Variants in DLG2 observed in about 807,000 individuals in gnomAD.
DLG2 encodes disks large homolog 2.
Under a neutral mutation model 132.5 loss-of-function variants are expected in DLG2, and 45 were observed. That is an observed-to-expected ratio of 0.34 (90% CI 0.27 to 0.44). DLG2 has a LOEUF of 0.44. Ranked by LOEUF, DLG2 falls within the 20% of genes least tolerant of loss-of-function variation. The pLI, the probability that DLG2 is intolerant of heterozygous loss-of-function variation, is 1.00. For synonymous variants in DLG2, 424 were observed against 419.6 expected (o/e 1.01, Z -0.13); for missense variants, 1,045 against 1,196.9 (o/e 0.87, Z 1.87).
chr11:84,187,848 T>G (rs976923327), intron 8 of DLG2, among the ~76,000 whole-genome samples: 1 of 152,064 alleles, frequency 6.6e-6, no homozygotes, highest in Non-Finnish European at 1.5e-5. Context: ...GCTTTAAACA[T>G]AGGACTAAAA....
At chr11:83,885,145 C>T (rs12289804) in intron 15 of DLG2, among the ~76,000 whole-genome samples, 14,673 of 152,232 alleles carry the variant, frequency 0.096, 843 homozygotes, top group Middle Eastern at 0.2. Context: ...CATCAAACTA[C>T]TCCAAGCTAC....
At chr11:85,237,449 G>C (rs1231766499) in intron 4 of DLG2, among the ~76,000 whole-genome samples, 3 of 151,844 alleles carry the variant, frequency 2.0e-5, no homozygotes, top group African/African-American at 7.3e-5. Context: ...ATACACAGTT[G>C]ACCCTTAAAC....
At chr11:83,688,393 A>T (rs1291657109) in intron 18 of DLG2, among the ~76,000 whole-genome samples, 1 of 152,144 alleles carries the variant, frequency 6.6e-6, no homozygotes, top group East Asian at 1.9e-4. Flanking sequence ...AGAACACCAT[A>T]AAAAAGCTTT....
At chr11:83,825,000 C>T (rs6592145) in intron 17 of DLG2, among the ~76,000 whole-genome samples, 96,567 of 151,040 alleles carry the variant, frequency 0.64, 31,453 homozygotes, top group Middle Eastern at 0.78. Context: ...TTTCCCTACA[C>T]AGTTTGCTGA....
chr11:84,660,363 G>A (rs1308804065), intron 6 of DLG2, among the ~76,000 whole-genome samples: 1 of 152,072 alleles, frequency 6.6e-6, no homozygotes, highest in African/African-American at 2.4e-5. Flanking sequence ...TGACAATTCC[G>A]ATATTTCACT....
chr11:84,400,063 G>C (rs536902210), intron 7 of DLG2, among the ~76,000 whole-genome samples: 1 of 152,190 alleles, frequency 6.6e-6, no homozygotes, highest in African/African-American at 2.4e-5. Flanking sequence ...CTACTGGGGG[G>C]ACACTAAAAC....
chr11:85,322,051 T>C (rs1384775615), intron 3 of DLG2, among the ~76,000 whole-genome samples: 1 of 152,044 alleles, frequency 6.6e-6, no homozygotes, highest in African/African-American at 2.4e-5. Flanking sequence ...TTCAGTAATA[T>C]TCTCCTCTAC....
intron 4 of DLG2, among the ~76,000 whole-genome samples, chr11:85,260,551 C>CTCAT (rs1339473686): frequency 2.0e-5 from 3 of 152,158 alleles, no homozygotes; most frequent in African/African-American, 7.2e-5. Flanking sequence ...CATTCACTAA[C>CTCAT]TCATTCATTC....
intron 18 of DLG2, among the ~76,000 whole-genome samples, chr11:83,660,703 T>G (rs1278061544): frequency 6.6e-6 from 1 of 152,128 alleles, no homozygotes; most frequent in African/African-American, 2.4e-5. Context: ...TAAATAAAAA[T>G]TATCAAGGCA....
At chr11:83,706,137 G>T (rs928202490) in intron 18 of DLG2, among the ~76,000 whole-genome samples, 6 of 151,286 alleles carry the variant, frequency 4.0e-5, no homozygotes, top group African/African-American at 1.5e-4. Context: ...AGAATCGCTT[G>T]AACCCGGGAG....
At chr11:84,507,353 T>G (rs544516183) in intron 7 of DLG2, among the ~76,000 whole-genome samples, 1 of 152,262 alleles carries the variant, frequency 6.6e-6, no homozygotes, top group South Asian at 2.1e-4. Flanking sequence ...CTAACTAATA[T>G]TTGTGGGAAT....
intron 17 of DLG2, among the ~76,000 whole-genome samples, chr11:83,817,791 G>A (rs1438810549): frequency 6.6e-6 from 1 of 152,148 alleles, no homozygotes; most frequent in African/African-American, 2.4e-5. Context: ...TGAGAGGATT[G>A]CGTGAGCCCA....
intron 4 of DLG2, among the ~76,000 whole-genome samples, chr11:85,189,419 A>G (rs2080357211): frequency 6.6e-6 from 1 of 152,184 alleles, no homozygotes; most frequent in African/African-American, 2.4e-5. Flanking sequence ...GCAATATAAA[A>G]CAACACACTA....
chr11:84,548,248 A>G (rs1443399830), intron 6 of DLG2, among the ~76,000 whole-genome samples: 1 of 152,180 alleles, frequency 6.6e-6, no homozygotes, highest in Non-Finnish European at 1.5e-5. Context: ...CATAACACAC[A>G]AATGAGACAA....
chr11:83,477,364 A>G (rs2092700579), intron 22 of DLG2, among the ~76,000 whole-genome samples: 1 of 152,172 alleles, frequency 6.6e-6, no homozygotes, highest in South Asian at 2.1e-4. Flanking sequence ...CAATTAGACA[A>G]TGTACACTTT....
intron 3 of DLG2, among the ~76,000 whole-genome samples, chr11:85,325,309 T>A (rs536844608): frequency 8.1e-4 from 123 of 152,294 alleles, no homozygotes; most frequent in Non-Finnish European, 1.3e-3. Flanking sequence ...AGGCTCCACG[T>A]CTGGGGGCAG....
chr11:84,223,642 C>T (rs1306062932), intron 8 of DLG2, among the ~76,000 whole-genome samples: 2 of 151,808 alleles, frequency 1.3e-5, no homozygotes, highest in African/African-American at 4.8e-5. Context: ...CTGCAACCTC[C>T]GCCTCCTGGG....
At chr11:84,262,544 A>G (rs1038122835) in intron 7 of DLG2, among the ~76,000 whole-genome samples, 1 of 152,072 alleles carries the variant, frequency 6.6e-6, no homozygotes, top group Non-Finnish European at 1.5e-5. Flanking sequence ...CTTTTTTTTC[A>G]TAAGTTATTG....
intron 18 of DLG2, among the ~76,000 whole-genome samples, chr11:83,715,094 A>T (rs1234878221): frequency 1.3e-5 from 2 of 152,182 alleles, no homozygotes; most frequent in Non-Finnish European, 2.9e-5. Flanking sequence ...AAAAAGGATG[A>T]GTTCATGTCC....
Sources: gnomAD v4.1 joint callset for allele counts (sites outside exome capture counted in the v4.1 genomes callset) on GRCh38, gnomAD v4.1.1 for gene constraint, MANE v1.5 for transcripts, NCBI Gene and HGNC (gene_info 2026-07-23, HGNC 2026-07-21) for gene names.